Variants in MPZL3 observed in about 807,000 individuals in gnomAD.
The protein encoded by MPZL3 is myelin protein zero like 3, also known as myelin protein zero-like protein 3.
MPZL3 carries 23 observed loss-of-function variants against 24.8 expected under a neutral mutation model. The observed-to-expected ratio is 0.93, with a 90% CI of 0.67 to 1.31. MPZL3 has a LOEUF of 1.31. Ranked by LOEUF, MPZL3 falls within the 40% of genes most tolerant of loss-of-function variation. MPZL3 has a pLI of 0.00. For synonymous variants in MPZL3, 99 were observed against 106.5 expected (o/e 0.93, Z 0.44); for missense variants, 277 against 294.9 (o/e 0.94, Z 0.44).
At chr11:118,234,639 A>G (rs1949397783) in intron 4 of MPZL3, among the ~76,000 whole-genome samples, 1 of 152,162 alleles carries the variant, frequency 6.6e-6, no homozygotes, top group African/African-American at 2.4e-5. Context: ...AATAGACATT[A>G]GCATTTTTAC....
intron 4 of MPZL3, among the ~76,000 whole-genome samples, chr11:118,233,742 C>A (rs1490608688): frequency 2.0e-5 from 3 of 152,210 alleles, no homozygotes; most frequent in African/African-American, 7.2e-5. Context: ...GCCTGTAATC[C>A]CAGCACTTTG....
Position 118,242,489 on chromosome 11 carries a change from C to T in MPZL3, c.74-2112G>A, listed in dbSNP as rs372415267. Among the ~76,000 whole-genome samples the T allele has an allele frequency of 2.4e-4, 37 of 152,284 alleles. 2 individuals carry two copies. Among genetic ancestry groups the T allele is most frequent in the African/African-American group, 7.7e-4 (32 of 41,544 alleles). ...CTACAAAATAAAATTCAGAGAGTGG[C>T]AATCTAGCCCTAAACTTCTGTCACT... On this transcript the variant is annotated intron_variant, in intron 1 of 5. Coordinates refer to ENST00000278949, the MANE Select transcript of MPZL3 (RefSeq NM_198275.3).
Position 118,237,561 on chromosome 11 carries a change from G to A in MPZL3, c.241-301C>T, listed in dbSNP as rs186309744. On this transcript the variant is annotated intron_variant, in intron 2 of 5. Coordinates refer to ENST00000278949, the MANE Select transcript of MPZL3 (RefSeq NM_198275.3). ...CCAAGAGATATTGGCAATATCTGAA[G>A]ACATTTTTGATTGTCACAACTGGGG... is the stretch of plus-strand genomic sequence containing the variant. Among the ~76,000 whole-genome samples the A allele has an allele frequency of 5.3e-5, 8 of 152,158 alleles. No individual in the cohort carries two copies. In the East Asian group the frequency reaches 1.5e-3, roughly 29 times the overall value.
chr11:118,249,735 G>C (rs1949598299), intron 1 of MPZL3, among the ~76,000 whole-genome samples: 1 of 151,716 alleles, frequency 6.6e-6, no homozygotes, highest in South Asian at 2.1e-4. Context: ...AAGAAACCTA[G>C]GTCCCCTAGT....
At chr11:118,247,806 C>G (rs909752001) in intron 1 of MPZL3, among the ~76,000 whole-genome samples, 3 of 152,018 alleles carry the variant, frequency 2.0e-5, no homozygotes, top group African/African-American at 7.3e-5. Context: ...ATTTTCTTCA[C>G]TCCCTATCTC....
chr11:118,252,225 G>A lies in MPZL3; in HGVS notation c.70C>T (p.Gln24Ter), dbSNP rs1949629369. Reference sequence around the variant, plus strand: ...CGTAGCCAGCCGGAGCACTCACCCTGGAAGAACAGGACGCCCAGCAGAGGG... The same window carrying A: ...CGTAGCCAGCCGGAGCACTCACCCTAGAAGAACAGGACGCCCAGCAGAGGG... ...LFPLLGVLFF[Q>*]GVYIVFSLEI... The change falls in exon 1 of 6, where the codon CAG becomes TAG. Residue 24 changes from glutamine (Q) to a stop codon, truncating the protein, a stop_gained. Coordinates refer to ENST00000278949, the MANE Select transcript of MPZL3 (RefSeq NM_198275.3). LOFTEE classifies it high-confidence loss of function. The A allele has an allele frequency of 6.2e-7, 1 of 1,613,616 alleles. No individual in the cohort carries two copies.
chr11:118,245,857 A>G (rs990797033), intron 1 of MPZL3, among the ~76,000 whole-genome samples: 3 of 152,206 alleles, frequency 2.0e-5, no homozygotes, highest in African/African-American at 7.2e-5. Context: ...AGCCATGTTC[A>G]TTTGTTGATG....
At chr11:118,237,952 C>T (rs1027427700) in intron 2 of MPZL3, among the ~76,000 whole-genome samples, 15 of 152,072 alleles carry the variant, frequency 9.9e-5, no homozygotes, top group African/African-American at 3.6e-4. Flanking sequence ...GCCTGGCCAA[C>T]ATAGTGAAAC....
At chr11:118,251,285 C>T (rs1207210359) in intron 1 of MPZL3, among the ~76,000 whole-genome samples, 1 of 152,062 alleles carries the variant, frequency 6.6e-6, no homozygotes, top group Non-Finnish European at 1.5e-5. Context: ...CAGTTAAAAA[C>T]TTTCCAGCCT....
At chr11:118,245,492 T>C (rs917941466) in intron 1 of MPZL3, among the ~76,000 whole-genome samples, 18 of 152,218 alleles carry the variant, frequency 1.2e-4, no homozygotes, top group African/African-American at 4.3e-4. Context: ...ACTGTCAGGT[T>C]TCCGACTTGC....
In MPZL3 at chr11:118,240,228, T is replaced by C; in HGVS notation, c.223A>G (p.Ser75Gly). The change falls in exon 2 of 6, where the codon AGC becomes GGC. Residue 75 changes from serine to glycine, a missense_variant. By Grantham distance (56) the Ser-to-Gly change is moderately conservative. Transcript: ENST00000278949. ...TIDWTYRPPS[S>G]SHTVSIFHYQ... Reference sequence around the variant, plus strand: ...ACACTTACTGATACTGTGTGGCTGCTGCTGGGAGGGCGATATGTCCAGTCT... The same window carrying C: ...ACACTTACTGATACTGTGTGGCTGCCGCTGGGAGGGCGATATGTCCAGTCT... The C allele has an allele frequency of 6.4e-7, 1 of 1,568,606 alleles. No homozygotes were observed. Among genetic ancestry groups the C allele is most frequent in the East Asian group, 2.4e-5 (1 of 41,646 alleles).
chr11:118,230,047 T>A, intron 5 of MPZL3, 127 bp from the exon 6 acceptor site: 1 of 721,732 alleles, frequency 1.4e-6, no homozygotes, highest in Non-Finnish European at 2.3e-6. Flanking sequence ...TGCCACTGAC[T>A]CAATACACCT....
chr11:118,239,469 C>T (rs1473012111), intron 2 of MPZL3, among the ~76,000 whole-genome samples: 3 of 152,214 alleles, frequency 2.0e-5, no homozygotes, highest in African/African-American at 4.8e-5. Context: ...ACAGCTATGA[C>T]ATTCACATTC....
intron 1 of MPZL3, among the ~76,000 whole-genome samples, chr11:118,251,434 T>C (rs577169528): frequency 6.6e-6 from 1 of 152,178 alleles, no homozygotes; most frequent in African/African-American, 2.4e-5. Flanking sequence ...ATACTAGATA[T>C]ACTAATATTT....
At chr11:118,234,726 CACACACACACACACAT>C (rs961502907) in intron 4 of MPZL3, among the ~76,000 whole-genome samples, 2 of 55,556 alleles carry the variant, frequency 3.6e-5, no homozygotes, top group African/African-American at 7.1e-5. Context: ...TAAATAAATG[CACACACACACACACAT>C]ACACACACAC....
At position 118,227,731 on chromosome 11, in the gene MPZL3, C is replaced by T. The variant is rs1297821811; in HGVS notation, c.*2163G>A. On this transcript the variant is annotated 3_prime_UTR_variant, in exon 6 of 6. Transcript: ENST00000278949. ...GACTAGGTGTCAATCTACAAACATA[C>T]TACCCTGCATTAATCTTCACAACAC... is the stretch of plus-strand genomic sequence containing the variant. 2 of 152,356 alleles carry T rather than the reference C, an allele frequency of 1.3e-5. No individual in the cohort carries two copies. Among genetic ancestry groups the T allele is most frequent in the South Asian group, 2.1e-4 (1 of 4,830 alleles). 9.4% of individuals were successfully genotyped at this position (152,356 alleles called of 1,614,324 possible).
rs1178623357 is a variant in MPZL3 at position 118,233,452 on chromosome 11, G to GCACTTACCAGGCACTCAGCGCAACGGA, written c.662_681+7dup. 1.9e-6 allele frequency: 3 copies of GCACTTACCAGGCACTCAGCGCAACGGA among 1,613,746 alleles called. No homozygotes were observed. The highest frequency in any genetic ancestry group is 2.5e-6 in the Non-Finnish European group (3 of 1,179,782). ...CAACAGTAAGCAGAAGGAATGGCAT[G>GCACTTACCAGGCACTCAGCGCAACGGA]CACTTACCAGGCACTCAGCGCAACG... On this transcript the variant is annotated splice_region_variant and intron_variant, in intron 5 of 5. Coordinates refer to ENST00000278949, the MANE Select transcript of MPZL3 (RefSeq NM_198275.3).
chr11:118,243,069 A>G (rs942956740), intron 1 of MPZL3, among the ~76,000 whole-genome samples: 1 of 152,194 alleles, frequency 6.6e-6, no homozygotes, highest in African/African-American at 2.4e-5. Flanking sequence ...TTTCAGAAAA[A>G]GCTCAGCTCT....
chr11:118,249,777 T>C (rs1949598592), intron 1 of MPZL3, among the ~76,000 whole-genome samples: 1 of 152,104 alleles, frequency 6.6e-6, no homozygotes, highest in Non-Finnish European at 1.5e-5. Context: ...ATAACTGATA[T>C]AGCAGGACCA....
Sources: allele counts gnomAD v4.1 joint callset (sites outside exome capture counted in the v4.1 genomes callset), GRCh38; gene constraint gnomAD v4.1.1; transcripts MANE v1.5; gene names NCBI Gene and HGNC (gene_info 2026-07-23, HGNC 2026-07-21).